Variants in MC2R observed in about 807,000 individuals in gnomAD.
MC2R encodes adrenocorticotropic hormone receptor.
A neutral mutation model predicts 9.8 loss-of-function variants in MC2R; 9 were observed. The observed-to-expected ratio is 0.92, with a 90% CI of 0.55 to 1.60. The LOEUF is 1.60. Ranked by LOEUF, MC2R falls within the 40% of genes most tolerant of loss-of-function variation. The pLI is 0.00. For missense variants in MC2R, 370 were observed against 389.0 expected (o/e 0.95, Z 0.41); for synonymous variants, 185 against 154.7 (o/e 1.20, Z -1.45).
At chr18:13,890,039 C>A (rs1305042287) in intron 1 of MC2R, among the ~76,000 whole-genome samples, 1 of 152,152 alleles carries the variant, frequency 6.6e-6, no homozygotes, top group Non-Finnish European at 1.5e-5. Context: ...GTTTTAATGG[C>A]TTTAGTAAAA....
rs764656594 is a variant in MC2R, at chr18:13,885,183, G to A, written c.336C>T (p.Leu112=). ...ADDIIDSLFV[L]SLLGSIFSLS... ...GGCTGAAGATGGAGCCAAGCAGGGA[G>A]AGGACAAACAGGGAGTCGATGATGT... Residue 112 remains leucine, a synonymous_variant, in exon 2 of 2, where the codon CTC becomes CTT. Coordinates refer to ENST00000327606, the MANE Select transcript of MC2R (RefSeq NM_000529.2). The A allele has an allele frequency of 6.2e-7, 1 of 1,614,190 alleles. No homozygotes were observed. Among genetic ancestry groups the A allele is most frequent in the Non-Finnish European group, 8.5e-7 (1 of 1,180,034 alleles).
Position 13,915,436 on chromosome 18 carries a change from C to G in MC2R, c.-129+52G>C, listed in dbSNP as rs139035960. The G allele has an allele frequency of 2.8e-3, 424 of 152,780 alleles. 2 individuals carry two copies. Among genetic ancestry groups the G allele is most frequent in the Non-Finnish European group, 4.4e-3 (302 of 68,040 alleles). 9.5% of individuals were successfully genotyped at this position (152,780 alleles called of 1,614,324 possible). A position where few individuals can be genotyped will look rare whatever the true frequency, so the allele number is the denominator to read the frequency against. ...CAGATTTGTTCCTAGCTGCTCTATT[C>G]ATGGTCCAAAAGCACTTAGCAAGCT... On this transcript the variant is annotated intron_variant, in intron 1 of 1. Coordinates refer to ENST00000327606, the MANE Select transcript of MC2R (RefSeq NM_000529.2).
Position 13,884,785 on chromosome 18 carries a change from C to T in MC2R, c.734G>A (p.Cys245Tyr). Residue 245 changes from cysteine (C) to tyrosine (Y), a missense_variant, in exon 2 of 2, where the codon TGC (cysteine) becomes TAC (tyrosine). Transcript: ENST00000327606. Reference protein sequence around the residue: ...FVLHVLLMTFCPSNPYCACYM... With the variant: ...FVLHVLLMTFYPSNPYCACYM... ...GCAGGCGCAGTAGGGGTTACTTGGG[C>T]AGAATGTCATCAAGAGGACATGAAG... is the stretch of plus-strand genomic sequence containing the variant. 2 of 1,613,922 alleles carry T rather than the reference C, an allele frequency of 1.2e-6. No individual in the cohort carries two copies. The highest frequency in any genetic ancestry group is 1.7e-6 in the Non-Finnish European group (2 of 1,180,002).
chr18:13,904,231 C>G (rs1011748670), intron 1 of MC2R, among the ~76,000 whole-genome samples: 1 of 122,310 alleles, frequency 8.2e-6, no homozygotes. Context: ...AAAAAAAAAA[C>G]TTAGGCAGGC....
At chr18:13,892,839 CACACACA>C (rs764434869) in intron 1 of MC2R, among the ~76,000 whole-genome samples, 38 of 143,156 alleles carry the variant, frequency 2.7e-4, no homozygotes, top group Non-Finnish European at 4.1e-4. Context: ...CACACACACA[CACACACA>C]CCACACACAC....
At chr18:13,886,773 G>A (rs961824432) in intron 1 of MC2R, among the ~76,000 whole-genome samples, 5 of 152,176 alleles carry the variant, frequency 3.3e-5, no homozygotes, top group East Asian at 1.9e-4. Flanking sequence ...ACCACGTGGC[G>A]AGGAAGACAC....
At chr18:13,887,392 T>C (rs1195491865) in intron 1 of MC2R, among the ~76,000 whole-genome samples, 4 of 127,562 alleles carry the variant, frequency 3.1e-5, no homozygotes, top group African/African-American at 1.2e-4. Context: ...AGGGGAAGCC[T>C]GTGTGCTGTG....
At chr18:13,904,878 T>C (rs1186237664) in intron 1 of MC2R, among the ~76,000 whole-genome samples, 1 of 152,060 alleles carries the variant, frequency 6.6e-6, no homozygotes, top group Non-Finnish European at 1.5e-5. Context: ...CCCTTCCTTA[T>C]ACCTTATACA....
chr18:13,889,550 G>A (rs1168834995), intron 1 of MC2R, among the ~76,000 whole-genome samples: 3 of 152,100 alleles, frequency 2.0e-5, no homozygotes, highest in Admixed American at 6.5e-5. Context: ...CGAGTTAACA[G>A]CATCACAGGG....
chr18:13,893,357 TG>T (rs2045328312), intron 1 of MC2R, among the ~76,000 whole-genome samples: 2 of 152,200 alleles, frequency 1.3e-5, no homozygotes, highest in African/African-American at 4.8e-5. Flanking sequence ...CTGTGCCTTT[TG>T]GTTTTTTAGA....
chr18:13,898,670 G>A (rs1344335393), intron 1 of MC2R, among the ~76,000 whole-genome samples: 1 of 151,994 alleles, frequency 6.6e-6, no homozygotes, highest in Non-Finnish European at 1.5e-5. Flanking sequence ...TGGCTCAGAA[G>A]AGAGAGAGAG....
intron 1 of MC2R, among the ~76,000 whole-genome samples, chr18:13,887,004 A>C (rs533241085): frequency 6.6e-6 from 1 of 152,330 alleles, no homozygotes; most frequent in South Asian, 2.1e-4. Context: ...TGGAATGGCC[A>C]ATTTACCTTG....
At chr18:13,897,282 A>C (rs1451326390) in intron 1 of MC2R, among the ~76,000 whole-genome samples, 2 of 152,100 alleles carry the variant, frequency 1.3e-5, no homozygotes, top group Non-Finnish European at 2.9e-5. Context: ...ACCAGACTAC[A>C]CTCGGCTGAC....
intron 1 of MC2R, 82 bp from the exon 2 acceptor site, chr18:13,885,728 T>G: frequency 5.2e-6 from 3 of 579,470 alleles, no homozygotes; most frequent in East Asian, 3.0e-5. Flanking sequence ...AGAAACTCTA[T>G]TCCCTCCATA....
intron 1 of MC2R, among the ~76,000 whole-genome samples, chr18:13,912,885 TATG>T (rs1308210964): frequency 6.6e-6 from 1 of 152,064 alleles, no homozygotes; most frequent in Non-Finnish European, 1.5e-5. Flanking sequence ...TAGGCTCAAT[TATG>T]AGAGGCCTTC....
At chr18:13,897,007 A>G (rs749785489) in intron 1 of MC2R, among the ~76,000 whole-genome samples, 32 of 152,246 alleles carry the variant, frequency 2.1e-4, no homozygotes, top group Non-Finnish European at 4.0e-4. Flanking sequence ...CTGCAAGGAC[A>G]CCAATTCAAC....
chr18:13,906,069 T>G (rs1015072628), intron 1 of MC2R, among the ~76,000 whole-genome samples: 1 of 151,634 alleles, frequency 6.6e-6, no homozygotes, highest in Non-Finnish European at 1.5e-5. Flanking sequence ...TAAGACCCCA[T>G]CTCAAAAAAG....
chr18:13,895,969 A>C (rs2045343889), intron 1 of MC2R, among the ~76,000 whole-genome samples: 1 of 152,246 alleles, frequency 6.6e-6, no homozygotes, highest in African/African-American at 2.4e-5. Flanking sequence ...GGCAGCCCAG[A>C]GGAAGATACT....
At chr18:13,906,491 G>A (rs1449471024) in intron 1 of MC2R, among the ~76,000 whole-genome samples, 2 of 152,000 alleles carry the variant, frequency 1.3e-5, no homozygotes, top group Non-Finnish European at 2.9e-5. Flanking sequence ...AAGCCACCAT[G>A]GTACATGTAT....
Sources: gnomAD v4.1 joint callset for allele counts (sites outside exome capture counted in the v4.1 genomes callset) on GRCh38, gnomAD v4.1.1 for gene constraint, MANE v1.5 for transcripts, NCBI Gene and HGNC (gene_info 2026-07-23, HGNC 2026-07-21) for gene names.